CNTNAP5: variants seen among roughly 807,000 people sequenced by gnomAD.
CNTNAP5 encodes contactin-associated protein-like 5.
In CNTNAP5, 72 loss-of-function variants were observed where a neutral mutation model predicts 150.2. The ratio of observed to expected loss-of-function variants is 0.48; its 90% CI spans 0.40 to 0.58. CNTNAP5 has a LOEUF of 0.58. Among genes scored for constraint, CNTNAP5 ranks in the 20% least tolerant of loss-of-function variants. The probability of loss-of-function intolerance (pLI) is 0.00; values close to 1 mark genes in which losing one functional copy is unlikely to be tolerated. For synonymous variants in CNTNAP5, 672 were observed against 619.8 expected (o/e 1.08, Z -1.25); for missense variants, 1,636 against 1,626.2 (o/e 1.01, Z -0.10).
intron 3 of CNTNAP5, among the ~76,000 whole-genome samples, chr2:124,375,758 A>G: frequency 6.6e-6 from 1 of 152,072 alleles, no homozygotes; most frequent in East Asian, 1.9e-4. Flanking sequence ...TTTTTGCAGT[A>G]TTTTTGTGTG....
chr2:124,342,941 G>C (rs1247816296), intron 3 of CNTNAP5, among the ~76,000 whole-genome samples: 1 of 152,078 alleles, frequency 6.6e-6, no homozygotes, highest in Non-Finnish European at 1.5e-5. Context: ...TTTTTCATTT[G>C]AGTCTTGGAA....
rs117475396 is a variant in CNTNAP5, at chr2:124,768,475, C to T, written c.2534-4324C>T. Reference sequence around the variant, plus strand: ...CCTCAGAAAATAGTACAAATGAATACTACTAATAATTACACTTTTGTTGAA... The same window carrying T: ...CCTCAGAAAATAGTACAAATGAATATTACTAATAATTACACTTTTGTTGAA... On this transcript the variant is annotated intron_variant, in intron 16 of 23. Transcript: ENST00000682447. 3.4e-4 allele frequency among the ~76,000 whole-genome samples: 52 copies of T among 152,184 alleles called. No individual in the cohort carries two copies. The East Asian group carries it at 9.8e-3, about 29-fold the overall frequency.
At chr2:124,039,199 A>T (rs1190412454) in intron 1 of CNTNAP5, among the ~76,000 whole-genome samples, 2 of 152,184 alleles carry the variant, frequency 1.3e-5, no homozygotes, top group African/African-American at 4.8e-5. Context: ...ATTTTAAATA[A>T]CTGTTTTGTG....
chr2:124,808,704 C>T (rs1235092270), intron 19 of CNTNAP5, among the ~76,000 whole-genome samples: 1 of 151,946 alleles, frequency 6.6e-6, no homozygotes, highest in South Asian at 2.1e-4. Context: ...TATGAACTCA[C>T]TGTGGGAAAT....
At chr2:124,236,862 C>T (rs975005132) in intron 2 of CNTNAP5, among the ~76,000 whole-genome samples, 5 of 152,072 alleles carry the variant, frequency 3.3e-5, no homozygotes, top group Non-Finnish European at 2.9e-5. Flanking sequence ...CATGGTGGCT[C>T]ATGCCTATAA....
At chr2:124,479,529 A>G (rs1693718113) in intron 7 of CNTNAP5, among the ~76,000 whole-genome samples, 3 of 152,208 alleles carry the variant, frequency 2.0e-5, no homozygotes, top group African/African-American at 7.2e-5. Flanking sequence ...AACTAATAGG[A>G]AGACTCTACT....
At chr2:124,245,225 TA>T (rs1402905536) in intron 3 of CNTNAP5, among the ~76,000 whole-genome samples, 2 of 152,160 alleles carry the variant, frequency 1.3e-5, no homozygotes, top group African/African-American at 4.8e-5. Context: ...TTGGACTCTC[TA>T]AAACCCTCTA....
chr2:124,835,884 T>C (rs894943490), intron 19 of CNTNAP5, among the ~76,000 whole-genome samples: 9 of 152,112 alleles, frequency 5.9e-5, no homozygotes, highest in African/African-American at 1.9e-4. Flanking sequence ...ACAGAGGGCC[T>C]GTATCTCTTG....
intron 19 of CNTNAP5, among the ~76,000 whole-genome samples, chr2:124,829,930 G>A (rs1383246581): frequency 6.6e-6 from 1 of 151,630 alleles, no homozygotes; most frequent in Admixed American, 6.6e-5. Context: ...TAAAGTTTAT[G>A]TAGTCTTTAG....
At chr2:124,029,786 C>G (rs1313235051) in intron 1 of CNTNAP5, among the ~76,000 whole-genome samples, 1 of 151,996 alleles carries the variant, frequency 6.6e-6, no homozygotes, top group Non-Finnish European at 1.5e-5. Context: ...TTGAAATGCC[C>G]CTGAAACCTT....
intron 19 of CNTNAP5, among the ~76,000 whole-genome samples, chr2:124,827,543 A>T (rs1478330950): frequency 6.6e-6 from 1 of 152,150 alleles, no homozygotes; most frequent in Non-Finnish European, 1.5e-5. Flanking sequence ...ATGAGACTTA[A>T]CCCACATGAC....
intron 3 of CNTNAP5, among the ~76,000 whole-genome samples, chr2:124,369,540 C>G (rs533504403): frequency 1.3e-5 from 2 of 152,142 alleles, no homozygotes; most frequent in South Asian, 2.1e-4. Flanking sequence ...TGCGGTGATT[C>G]TAAATCAGAG....
intron 19 of CNTNAP5, among the ~76,000 whole-genome samples, chr2:124,830,435 A>G (rs59648005): frequency 0.051 from 7,809 of 152,120 alleles, 643 homozygotes; most frequent in African/African-American, 0.17. Flanking sequence ...AAAACCTCCC[A>G]TAGTGTCATT....
intron 1 of CNTNAP5, among the ~76,000 whole-genome samples, chr2:124,068,940 C>A (rs1052626898): frequency 2.0e-5 from 3 of 151,964 alleles, no homozygotes; most frequent in African/African-American, 7.2e-5. Context: ...AACAGTGATA[C>A]CCAGGTAGTA....
intron 3 of CNTNAP5, among the ~76,000 whole-genome samples, chr2:124,337,601 G>GT (rs1309183440): frequency 6.6e-6 from 1 of 152,154 alleles, no homozygotes; most frequent in African/African-American, 2.4e-5. Context: ...TGGCTAGCCA[G>GT]TTTTCCCATC....
intron 10 of CNTNAP5, among the ~76,000 whole-genome samples, chr2:124,534,499 A>G (rs887894046): frequency 2.6e-5 from 4 of 152,150 alleles, no homozygotes; most frequent in Admixed American, 6.5e-5. Flanking sequence ...TTTAGACCAT[A>G]TAAGGTAACT....
intron 3 of CNTNAP5, among the ~76,000 whole-genome samples, chr2:124,341,063 G>A (rs1023614698): frequency 2.0e-5 from 3 of 151,686 alleles, no homozygotes; most frequent in Non-Finnish European, 4.4e-5. Flanking sequence ...AGGTGACACG[G>A]TGAGACCCTG....
chr2:124,915,117 G>A lies in CNTNAP5; in HGVS notation c.*829G>A, dbSNP rs1246468029. ...AAGAATGCTAGCTAGGTATTCCTGG[G>A]ATTATTATACTGAGATATATATATA... On this transcript the variant is annotated 3_prime_UTR_variant, in exon 24 of 24. Transcript: ENST00000682447. 4 of 163,920 alleles carry A rather than the reference G, an allele frequency of 2.4e-5. No homozygotes were observed. The highest frequency in any genetic ancestry group is 2.4e-5 in the African/African-American group (1 of 40,960). 10.2% of individuals were successfully genotyped at this position (163,920 alleles called of 1,614,324 possible). A position where few individuals can be genotyped will look rare whatever the true frequency, so the allele number is the denominator to read the frequency against.
At chr2:124,602,338 CAAA>C (rs35316532) in intron 11 of CNTNAP5, among the ~76,000 whole-genome samples, 40,209 of 88,846 alleles carry the variant, frequency 0.45, 7,478 homozygotes, top group Non-Finnish European at 0.53. Flanking sequence ...AAGACTTCAC[CAAA>C]AAAAAAAAAA....
Sources: gnomAD v4.1 joint callset for allele counts (sites outside exome capture counted in the v4.1 genomes callset) on GRCh38, gnomAD v4.1.1 for gene constraint, MANE v1.5 for transcripts, NCBI Gene and HGNC (gene_info 2026-07-23, HGNC 2026-07-21) for gene names.